Variants in AUTS2 observed in about 807,000 individuals in gnomAD.
AUTS2 encodes the protein autism susceptibility gene 2 protein.
Under a neutral mutation model 112.4 loss-of-function variants are expected in AUTS2, and 17 were observed. The ratio of observed to expected loss-of-function variants is 0.15; its 90% confidence interval spans 0.10 to 0.23. The LOEUF (loss-of-function observed/expected upper bound fraction) is 0.23, where lower values mean the gene tolerates loss of function less well. AUTS2 is among the 10% of genes least tolerant of loss of function. The pLI is 1.00. For synonymous variants in AUTS2, 751 were observed against 702.7 expected (o/e 1.07, Z -1.09); for missense variants, 1,510 against 1,701.6 (o/e 0.89, Z 1.98).
At chr7:70,061,980 A>AT (rs1802270507) in intron 2 of AUTS2, among the ~76,000 whole-genome samples, 1 of 150,758 alleles carries the variant, frequency 6.6e-6, no homozygotes, top group South Asian at 2.1e-4. Flanking sequence ...TAGAGATGGG[A>AT]TTTTGCCATG....
chr7:70,066,563 CAG>C (rs1802504202), intron 2 of AUTS2, among the ~76,000 whole-genome samples: 2 of 116,040 alleles, frequency 1.7e-5, no homozygotes, highest in African/African-American at 3.2e-5. Flanking sequence ...TTTTTTCAAA[CAG>C]AGTCTTGCTC....
intron 2 of AUTS2, among the ~76,000 whole-genome samples, chr7:70,035,295 T>C (rs1800952541): frequency 6.6e-6 from 1 of 152,198 alleles, no homozygotes; most frequent in Admixed American, 6.5e-5. Flanking sequence ...GACATGCCTC[T>C]CTAAGTTTCC....
intron 4 of AUTS2, among the ~76,000 whole-genome samples, chr7:70,279,757 C>G (rs1057456874): frequency 1.3e-5 from 2 of 152,160 alleles, no homozygotes; most frequent in African/African-American, 4.8e-5. Context: ...ATGATCTTGT[C>G]CAGAAGGAGC....
intron 4 of AUTS2, among the ~76,000 whole-genome samples, chr7:70,243,612 A>G (rs1056530521): frequency 5.9e-5 from 9 of 152,122 alleles, no homozygotes; most frequent in Non-Finnish European, 8.8e-5. Context: ...GTCAGCTCAA[A>G]GAGAAATAGT....
At chr7:70,488,997 T>C (rs1051100443) in intron 5 of AUTS2, among the ~76,000 whole-genome samples, 1 of 152,180 alleles carries the variant, frequency 6.6e-6, no homozygotes, top group Non-Finnish European at 1.5e-5. Context: ...CCTAATGGGA[T>C]GATGACAGTC....
intron 2 of AUTS2, among the ~76,000 whole-genome samples, chr7:70,057,159 T>C (rs889675954): frequency 6.6e-6 from 1 of 152,160 alleles, no homozygotes; most frequent in Non-Finnish European, 1.5e-5. Context: ...TGAAATCTGC[T>C]CATCTACCAT....
At chr7:69,748,244 T>A (rs779392438) in intron 1 of AUTS2, among the ~76,000 whole-genome samples, 1 of 152,170 alleles carries the variant, frequency 6.6e-6, no homozygotes, top group African/African-American at 2.4e-5. Flanking sequence ...CTTTCCTAGA[T>A]AAGGCATCTG....
chr7:69,742,197 T>C (rs530354162), intron 1 of AUTS2, among the ~76,000 whole-genome samples: 57 of 152,190 alleles, frequency 3.7e-4, no homozygotes, highest in African/African-American at 1.4e-3. Flanking sequence ...TTCATATTTC[T>C]TTCTTGTGTC....
intron 4 of AUTS2, among the ~76,000 whole-genome samples, chr7:70,143,523 T>C (rs1048164759): frequency 6.6e-6 from 1 of 152,224 alleles, no homozygotes; most frequent in African/African-American, 2.4e-5. Context: ...GGCTAATGAA[T>C]GATCTCCAAT....
intron 1 of AUTS2, among the ~76,000 whole-genome samples, chr7:69,805,273 T>C (rs910984495): frequency 2.0e-5 from 3 of 152,224 alleles, no homozygotes; most frequent in Admixed American, 6.5e-5. Flanking sequence ...CTTTGCTCAA[T>C]GTTGGCATTT....
At position 69,756,487 on chromosome 7, in the gene AUTS2, G is replaced by A. The variant is rs192743103; in HGVS notation, c.310-142799G>A. On this transcript the variant is annotated intron_variant, in intron 1 of 18. Coordinates refer to ENST00000342771, the MANE Select transcript of AUTS2 (RefSeq NM_015570.4). Reference sequence around the variant, plus strand: ...GAAAGGAGAGCTGTGGAAATACTCAGGATTATCTCATAAAAGCTCTTTGTG... The same window carrying A: ...GAAAGGAGAGCTGTGGAAATACTCAAGATTATCTCATAAAAGCTCTTTGTG... Among the ~76,000 whole-genome samples, 240 of 152,230 alleles carry A rather than the reference G, an allele frequency of 1.6e-3. 1 individual carries two copies. The highest frequency in any genetic ancestry group is 5.8e-3 in the South Asian group (28 of 4,824).
At chr7:69,803,966 C>T (rs371171421) in intron 1 of AUTS2, among the ~76,000 whole-genome samples, 4 of 152,104 alleles carry the variant, frequency 2.6e-5, no homozygotes, top group African/African-American at 9.7e-5. Context: ...TGTGTGGTTG[C>T]GGCTGCAGTG....
At chr7:69,912,444 C>G (rs1246689225) in intron 2 of AUTS2, among the ~76,000 whole-genome samples, 1 of 152,198 alleles carries the variant, frequency 6.6e-6, no homozygotes, top group African/African-American at 2.4e-5. Context: ...GCATACAGCC[C>G]CGGCTGCAGC....
chr7:69,726,058 A>T (rs1227685052), intron 1 of AUTS2, among the ~76,000 whole-genome samples: 1 of 152,188 alleles, frequency 6.6e-6, no homozygotes, highest in Non-Finnish European at 1.5e-5. Context: ...TATTGTTTAC[A>T]TGCAGTGAAA....
chr7:70,471,539 C>G (rs1377596753), intron 5 of AUTS2, among the ~76,000 whole-genome samples: 1 of 152,116 alleles, frequency 6.6e-6, no homozygotes, highest in East Asian at 1.9e-4. Flanking sequence ...AATTTTTTAA[C>G]AAATATTTTT....
At chr7:69,732,963 T>TTA (rs1786863999) in intron 1 of AUTS2, among the ~76,000 whole-genome samples, 1 of 152,182 alleles carries the variant, frequency 6.6e-6, no homozygotes, top group Non-Finnish European at 1.5e-5. Flanking sequence ...TCCTTGAACA[T>TTA]AGATTGGTGT....
chr7:70,273,450 G>C (rs997095261), intron 4 of AUTS2, among the ~76,000 whole-genome samples: 2 of 150,346 alleles, frequency 1.3e-5, no homozygotes, highest in Non-Finnish European at 3.0e-5. Flanking sequence ...AAGTAGTATT[G>C]GTATTATACT....
chr7:70,789,803 G>A lies in AUTS2; in HGVS notation c.2587G>A (p.Val863Met). ...SHPSPAPVLPVNALGHTRSST... is the reference protein window; with the variant it reads ...SHPSPAPVLPMNALGHTRSST... ...CCCTTCACCAGCACCTGTCCTCCCG[G>A]TGAATGCCCTGGGACATACCCGCAG... The change falls in exon 19 of 19, where the codon GTG becomes ATG. Residue 863 changes from valine to methionine, a missense_variant. By Grantham distance (21) the Val-to-Met change is conservative. Transcript: ENST00000342771. The A allele has an allele frequency of 6.2e-7, 1 of 1,614,132 alleles. No homozygotes were observed. Among genetic ancestry groups the A allele is most frequent in the Non-Finnish European group, 8.5e-7 (1 of 1,180,006 alleles).
chr7:70,710,838 C>G (rs1026856446), intron 6 of AUTS2, among the ~76,000 whole-genome samples: 2 of 152,210 alleles, frequency 1.3e-5, no homozygotes, highest in African/African-American at 4.8e-5. Flanking sequence ...GAGCAGTGTG[C>G]TCTGGTGGAA....
Sources: allele counts gnomAD v4.1 joint callset (sites outside exome capture counted in the v4.1 genomes callset), GRCh38; gene constraint gnomAD v4.1.1; transcripts MANE v1.5; gene names NCBI Gene and HGNC (gene_info 2026-07-23, HGNC 2026-07-21).